The following SPOCK3 variants were observed in gnomAD, a reference collection of about 807,000 sequenced individuals.
The protein encoded by SPOCK3 is testican-3.
In SPOCK3, 30 loss-of-function variants were observed where a neutral mutation model predicts 56.6. The ratio of observed to expected loss-of-function variants is 0.53; its 90% CI spans 0.40 to 0.72. The LOEUF (loss-of-function observed/expected upper bound fraction) is 0.72. Among genes scored for constraint, SPOCK3 ranks in the 30% least tolerant of loss-of-function variants. The probability of loss-of-function intolerance (pLI) is 0.00; values close to 1 mark genes in which losing one functional copy is unlikely to be tolerated. For missense variants in SPOCK3, 527 were observed against 530.0 expected, an observed-to-expected ratio of 0.99 and a Z score of 0.06; for synonymous variants, 196 against 183.3, an observed-to-expected ratio of 1.07 and a Z score of -0.56.
At chr4:167,120,983 C>T (rs1761820246) in intron 2 of SPOCK3, among the ~76,000 whole-genome samples, 1 of 151,658 alleles carries the variant, frequency 6.6e-6, no homozygotes. Flanking sequence ...AAAAAAATGC[C>T]TAACTCCACT....
intron 2 of SPOCK3, among the ~76,000 whole-genome samples, chr4:167,130,092 T>C (rs577611293): frequency 1.4e-3 from 220 of 152,300 alleles, no homozygotes; most frequent in Non-Finnish European, 2.6e-3. Context: ...CATAGCTTAC[T>C]GCAGCCTTCA....
intron 8 of SPOCK3, among the ~76,000 whole-genome samples, chr4:166,743,610 G>C (rs1735161330): frequency 6.6e-6 from 1 of 152,208 alleles, no homozygotes; most frequent in Admixed American, 6.5e-5. Context: ...GGACTGGTCA[G>C]AAAATGGGTG....
In SPOCK3 at chr4:167,234,491, A is replaced by G. The variant is rs11557044; in HGVS notation, c.-42T>C. 3 of 364,696 alleles carry G rather than the reference A, an allele frequency of 8.2e-6. No homozygotes were observed. The highest frequency in any genetic ancestry group is 1.5e-5 in the Non-Finnish European group (3 of 197,454). 22.6% of individuals were successfully genotyped at this position (364,696 alleles called of 1,614,324 possible). A position where few individuals can be genotyped will look rare whatever the true frequency, so the allele number is the denominator to read the frequency against. Reference sequence around the variant, plus strand: ...ACTGTGCTCGCAGCTCCTGCTGGAAATGCAGCCCTGCTCTGCCAACTCGCT... The same window carrying G: ...ACTGTGCTCGCAGCTCCTGCTGGAAGTGCAGCCCTGCTCTGCCAACTCGCT... On this transcript the variant is annotated 5_prime_UTR_variant, in exon 1 of 11. Transcript: ENST00000357545.
At chr4:166,841,952 C>T (rs894114152) in intron 6 of SPOCK3, among the ~76,000 whole-genome samples, 5 of 152,248 alleles carry the variant, frequency 3.3e-5, no homozygotes, top group African/African-American at 1.2e-4. Context: ...GATGTTCGGA[C>T]ATGTTTGGAG....
chr4:167,165,346 A>T (rs1765664733), intron 2 of SPOCK3, among the ~76,000 whole-genome samples: 1 of 152,166 alleles, frequency 6.6e-6, no homozygotes, highest in Admixed American at 6.6e-5. Flanking sequence ...ATCTACAAGG[A>T]TCTTAAATAA....
intron 3 of SPOCK3, among the ~76,000 whole-genome samples, chr4:167,035,046 T>C (rs1204030477): frequency 6.6e-6 from 1 of 152,064 alleles, no homozygotes; most frequent in Non-Finnish European, 1.5e-5. Flanking sequence ...ACCTATTCAG[T>C]GTAGGTTTCA....
chr4:167,085,257 A>G (rs1048072658), intron 2 of SPOCK3, among the ~76,000 whole-genome samples: 1 of 151,944 alleles, frequency 6.6e-6, no homozygotes, highest in Admixed American at 6.6e-5. Flanking sequence ...AAGACTTTAT[A>G]GAGCAGAGAA....
chr4:166,901,918 A>C, intron 5 of SPOCK3, among the ~76,000 whole-genome samples: 1 of 152,090 alleles, frequency 6.6e-6, no homozygotes, highest in East Asian at 1.9e-4. Flanking sequence ...ATTTGGTTCA[A>C]ACACCTGTTG....
At chr4:166,970,084 T>C (rs1745211412) in intron 4 of SPOCK3, among the ~76,000 whole-genome samples, 1 of 152,238 alleles carries the variant, frequency 6.6e-6, no homozygotes, top group African/African-American at 2.4e-5. Flanking sequence ...CTAGTCTTTC[T>C]TTTGCCAAAA....
intron 2 of SPOCK3, among the ~76,000 whole-genome samples, chr4:167,167,980 G>A (rs1580497486): frequency 6.6e-6 from 1 of 152,178 alleles, no homozygotes; most frequent in East Asian, 1.9e-4. Context: ...TAGTGAATAA[G>A]TCTCATGAGA....
chr4:166,754,763 T>TAC lies in SPOCK3; in HGVS notation c.710-35_710-34insGT, dbSNP rs1736855644. Reference sequence around the variant, plus strand: ...AAAAAAAAGAAAATGATTAGTTAAATATGAAAGACACCATTAGCAGAAAGC... The same window carrying TAC: ...AAAAAAAAGAAAATGATTAGTTAAATACATGAAAGACACCATTAGCAGAAAGC... On this transcript the variant is annotated intron_variant, in intron 7 of 10. Transcript: ENST00000357545. 4 of 1,608,608 alleles carry TAC rather than the reference T, an allele frequency of 2.5e-6. No individual in the cohort carries two copies. In the African/African-American group the frequency reaches 5.3e-5, roughly 22 times the overall value.
intron 2 of SPOCK3, among the ~76,000 whole-genome samples, chr4:167,063,838 G>A (rs1755842521): frequency 6.6e-6 from 1 of 151,716 alleles, no homozygotes; most frequent in Non-Finnish European, 1.5e-5. Flanking sequence ...CCCACGTTGA[G>A]GCAAAAGACA....
At chr4:167,043,196 T>C (rs1753388866) in intron 3 of SPOCK3, among the ~76,000 whole-genome samples, 1 of 152,074 alleles carries the variant, frequency 6.6e-6, no homozygotes, top group South Asian at 2.1e-4. Context: ...CTTGTTTATA[T>C]TTGGTTAGAT....
intron 2 of SPOCK3, among the ~76,000 whole-genome samples, chr4:167,227,581 G>C (rs1289131457): frequency 6.6e-6 from 1 of 151,986 alleles, no homozygotes; most frequent in Non-Finnish European, 1.5e-5. Flanking sequence ...CAGTCTAATG[G>C]GGTGTCCAAA....
intron 7 of SPOCK3, among the ~76,000 whole-genome samples, chr4:166,774,297 A>T (rs1479407640): frequency 6.6e-6 from 1 of 152,132 alleles, no homozygotes; most frequent in Non-Finnish European, 1.5e-5. Context: ...CAAATTGATA[A>T]CTGTCTTAGG....
chr4:167,040,712 T>G (rs1398478810), intron 3 of SPOCK3, among the ~76,000 whole-genome samples: 1 of 152,122 alleles, frequency 6.6e-6, no homozygotes, highest in Non-Finnish European at 1.5e-5. Context: ...ATGTAAACTA[T>G]GGCAGAATGA....
At chr4:166,765,645 G>T (rs945171678) in intron 7 of SPOCK3, among the ~76,000 whole-genome samples, 4 of 152,148 alleles carry the variant, frequency 2.6e-5, no homozygotes, top group Non-Finnish European at 5.9e-5. Flanking sequence ...TGTTCTTTTG[G>T]CTTAGGATTG....
At chr4:166,782,452 C>G (rs898556709) in intron 7 of SPOCK3, among the ~76,000 whole-genome samples, 14 of 152,082 alleles carry the variant, frequency 9.2e-5, no homozygotes, top group African/African-American at 3.1e-4. Context: ...ATCTGAAAAT[C>G]ATTGTCAACA....
At chr4:167,233,894 G>C (rs1481254984) in intron 2 of SPOCK3, 91 bp downstream of exon 2, 1 of 1,123,032 alleles carries the variant, frequency 8.9e-7, no homozygotes, top group Admixed American at 1.8e-5. Flanking sequence ...TCAGAAAACG[G>C]AGCCCACTCC....
Sources: gnomAD v4.1 joint callset for allele counts (sites outside exome capture counted in the v4.1 genomes callset) on GRCh38, gnomAD v4.1.1 for gene constraint, MANE v1.5 for transcripts, NCBI Gene and HGNC (gene_info 2026-07-23, HGNC 2026-07-21) for gene names.